The following LY6L variants were observed in gnomAD, a reference collection of about 807,000 sequenced individuals.
LY6L encodes the protein lymphocyte antigen 6L.
LY6L carries 8 observed loss-of-function variants against 8.3 expected under a neutral mutation model. The observed-to-expected ratio is 0.97, with a 90% confidence interval of 0.57 to 1.74. The LOEUF is 1.74. LY6L is among the 40% of genes most tolerant of loss of function. The pLI is 0.00. For synonymous variants in LY6L, 79 were observed against 77.9 expected (o/e 1.01, Z -0.07); for missense variants, 156 against 183.8 (o/e 0.85, Z 0.87).
chr8:143,080,892 C>T (rs1219090487), intron 1 of LY6L, 144 bp from the exon 2 acceptor site: 1 of 612,384 alleles, frequency 1.6e-6, no homozygotes, highest in Non-Finnish European at 2.8e-6. Flanking sequence ...TGGGGGACGT[C>T]CTGGGTGAAG....
At chr8:143,081,381 C>T in intron 3 of LY6L, 54 bp downstream of exon 3, 1 of 1,179,620 alleles carries the variant, frequency 8.5e-7, no homozygotes. Context: ...AGGGCCGGTG[C>T]CCCCGCCTCT....
chr8:143,082,750 G>A lies in LY6L; in HGVS notation c.*99G>A, dbSNP rs1470752820. ...CCGCCCCTTCCAGGACACTGGGGGG[G>A]GACCCTCCCTCTCTGAGGTGGTGGG... is the stretch of plus-strand genomic sequence containing the variant. On this transcript the variant is annotated 3_prime_UTR_variant, in exon 4 of 4. Transcript: ENST00000562505. 5 of 1,000,286 alleles carry A rather than the reference G, an allele frequency of 5.0e-6. No homozygotes were observed. The highest frequency in any genetic ancestry group is 4.9e-5 in the African/African-American group (3 of 61,178). 62.0% of individuals were successfully genotyped at this position (1,000,286 alleles called of 1,614,324 possible). A position where few individuals can be genotyped will look rare whatever the true frequency, so the allele number is the denominator to read the frequency against.
Position 143,083,070 on chromosome 8 carries a change from C to T in LY6L, c.*419C>T. 4.7e-6 allele frequency: 1 copy of T among 211,076 alleles called. No homozygotes were observed. The highest frequency in any genetic ancestry group is 9.5e-6 in the Non-Finnish European group (1 of 105,720). 13.1% of individuals were successfully genotyped at this position (211,076 alleles called of 1,614,324 possible). ...GGTGTGGGTGATGAGAAGGACGGTGCCTCCGGTGTGGGTGATGGGAAGGAC... is the reference window on the plus strand; with the variant it reads ...GGTGTGGGTGATGAGAAGGACGGTGTCTCCGGTGTGGGTGATGGGAAGGAC... On this transcript the variant is annotated 3_prime_UTR_variant, in exon 4 of 4. Transcript: ENST00000562505.
At chr8:143,081,907 T>C (rs1484977437) in intron 3 of LY6L, among the ~76,000 whole-genome samples, 7 of 152,182 alleles carry the variant, frequency 4.6e-5, no homozygotes, top group Non-Finnish European at 1.0e-4. Flanking sequence ...TCTCAACAGT[T>C]TGGGTTTTGA....
Position 143,082,781 on chromosome 8 carries a change from T to C in LY6L, c.*130T>C. The C allele has an allele frequency of 1.3e-6, 1 of 776,872 alleles. No individual in the cohort carries two copies. The highest frequency in any genetic ancestry group is 1.9e-6 in the Non-Finnish European group (1 of 518,062). The allele number at this position is 776,872 out of a possible 1,614,324, so 48.1% of individuals were successfully genotyped here. On this transcript the variant is annotated 3_prime_UTR_variant, in exon 4 of 4. Transcript: ENST00000562505. ...TCCCTCTCTGAGGTGGTGGGGAGGG[T>C]GCCATTGCCTCCATCCCGGATCTAG... is the stretch of plus-strand genomic sequence containing the variant.
intron 3 of LY6L, among the ~76,000 whole-genome samples, chr8:143,082,095 C>G (rs1193468206): frequency 2.0e-5 from 3 of 152,362 alleles, no homozygotes; most frequent in Admixed American, 2.0e-4. Context: ...CATCTCCCGA[C>G]GACGCACATG....
intron 3 of LY6L, among the ~76,000 whole-genome samples, chr8:143,081,893 CT>C (rs1820436742): frequency 6.6e-6 from 1 of 152,220 alleles, no homozygotes; most frequent in African/African-American, 2.4e-5. Context: ...CACCCAAGCT[CT>C]TTTCTCAACA....
Position 143,082,812 on chromosome 8 carries a change from T to C in LY6L, c.*161T>C. On this transcript the variant is annotated 3_prime_UTR_variant, in exon 4 of 4. Coordinates refer to ENST00000562505, the MANE Select transcript of LY6L (RefSeq NM_001368160.2). ...TGCCTCCATCCCGGATCTAGCCACC[T>C]CACTCCTCCCCACCGGGGGCCCCTT... 1 of 608,806 alleles carries C rather than the reference T, an allele frequency of 1.6e-6. No individual in the cohort carries two copies. The highest frequency in any genetic ancestry group is 2.7e-6 in the Non-Finnish European group (1 of 370,320). 37.7% of individuals were successfully genotyped at this position (608,806 alleles called of 1,614,324 possible).
rs913823666 is a variant in LY6L at position 143,082,569 on chromosome 8, T to C, written c.335T>C (p.Leu112Pro). ...TCCTGGGCTCTCTGCAACAGGGCAC[T>C]GACCCCACAGGAGGGGCGCTGGGCC... ...CCSWALCNRA[L>P]TPQEGRWALR... Residue 112 changes from leucine (L) to proline (P), a missense_variant, in exon 4 of 4, where the codon CTG becomes CCG. Leu to Pro is a moderately conservative substitution (Grantham distance 98). Transcript: ENST00000562505. The C allele has an allele frequency of 3.3e-6, 5 of 1,534,820 alleles. No individual in the cohort carries two copies. The highest frequency in any genetic ancestry group is 4.4e-6 in the Non-Finnish European group (5 of 1,146,262).
rs928236009 is a variant in LY6L at position 143,081,071 on chromosome 8, A to C, written c.18A>C (p.Leu6=). ...CTGGCGTCATGGAGAGGCTCGTCCT[A>C]ACCCTGTGCACCCTCCCGCTGGCTG... MERLV[L]TLCTLPLAVA... The change falls in exon 2 of 4, where the codon CTA becomes CTC. Residue 6 remains leucine (L), a synonymous_variant. Coordinates refer to ENST00000562505, the MANE Select transcript of LY6L (RefSeq NM_001368160.2). 1.3e-6 allele frequency: 2 copies of C among 1,534,914 alleles called. No homozygotes were observed. The highest frequency in any genetic ancestry group is 2.0e-5 in the Admixed American group (1 of 50,966).
In LY6L at chr8:143,081,022, C is replaced by T. The variant is rs565135543; in HGVS notation, c.-18-14C>T. The stretch of plus-strand genomic sequence containing the variant: ...GGGTGAAGCCTCCCGCAACACCCAC[C>T]TCACCCCACTCAGGCTGAGCCTTCT... On this transcript the variant is annotated splice_polypyrimidine_tract_variant and intron_variant, in intron 1 of 3. Transcript: ENST00000562505. 6.6e-7 allele frequency: 1 copy of T among 1,518,342 alleles called. No individual in the cohort carries two copies. The highest frequency in any genetic ancestry group is 1.4e-5 in the African/African-American group (1 of 72,668). The allele number at this position is 1,518,342 out of a possible 1,614,324, so 94.1% of individuals were successfully genotyped here. A position where few individuals can be genotyped will look rare whatever the true frequency, so the allele number is the denominator to read the frequency against.
rs565400078 is a variant in LY6L, at chr8:143,081,798, T to C, written c.190+471T>C. Among the ~76,000 whole-genome samples, 7 of 152,322 alleles carry C rather than the reference T, an allele frequency of 4.6e-5. No individual in the cohort carries two copies. In the South Asian group the frequency reaches 1.5e-3, roughly 32 times the overall value. On this transcript the variant is annotated intron_variant, in intron 3 of 3. Transcript: ENST00000562505. ...CTTAATATAATACGATGTAATATAATGCTACATAATACAACATAATATAAT... is the reference window on the plus strand; with the variant it reads ...CTTAATATAATACGATGTAATATAACGCTACATAATACAACATAATATAAT...
At chr8:143,080,796 G>A (rs1310318745) in intron 1 of LY6L, 137 bp downstream of exon 1, 2 of 484,254 alleles carry the variant, frequency 4.1e-6, no homozygotes, top group Non-Finnish European at 7.3e-6. Flanking sequence ...TGCGGGGAAG[G>A]GAGGAGAGCG....
Position 143,082,541 on chromosome 8 carries a change from T to C in LY6L, c.307T>C (p.Cys103Arg). The C allele has an allele frequency of 5.2e-6, 8 of 1,535,446 alleles. No individual in the cohort carries two copies. The highest frequency in any genetic ancestry group is 7.0e-6 in the Non-Finnish European group (8 of 1,146,664). Residue 103 changes from cysteine (C) to arginine (R), a missense_variant, in exon 4 of 4, where the codon TGT (cysteine) becomes CGT (arginine). Transcript: ENST00000562505. ...GCAAGGCGTGATCACCAGGCGCTGC[T>C]GTTCCTGGGCTCTCTGCAACAGGGC... ...MVQGVITRRC[C>R]SWALCNRALT...
At chr8:143,081,000 T>C in intron 1 of LY6L, 36 bp from the exon 2 acceptor site, 1 of 1,459,320 alleles carries the variant, frequency 6.9e-7, no homozygotes, top group Non-Finnish European at 9.2e-7. Flanking sequence ...GCTCTCTGGG[T>C]GAAGCCTCCC....
intron 3 of LY6L, among the ~76,000 whole-genome samples, 161 bp from the exon 4 acceptor site, chr8:143,082,261 CAGG>C (rs542728117): frequency 2.2e-4 from 33 of 152,248 alleles, no homozygotes; most frequent in Non-Finnish European, 4.4e-4. Flanking sequence ...CAGTAAAGGA[CAGG>C]AGAAGGTGGT....
chr8:143,082,391 C>G, intron 3 of LY6L, 34 bp from the exon 4 acceptor site: 4 of 1,466,290 alleles, frequency 2.7e-6, no homozygotes, highest in Non-Finnish European at 3.7e-6. Flanking sequence ...CTTGCTGGGG[C>G]TCTGGGGCCA....
At chr8:143,080,965 C>T in intron 1 of LY6L, 71 bp from the exon 2 acceptor site, 3 of 1,183,618 alleles carry the variant, frequency 2.5e-6, no homozygotes, top group Non-Finnish European at 3.6e-6. Flanking sequence ...AAAGCCCCGT[C>T]CGGGAGCAGG....
rs1820463896 is a variant in LY6L, at chr8:143,083,097, G to C, written c.*446G>C. 5.1e-6 allele frequency: 1 copy of C among 196,660 alleles called. No individual in the cohort carries two copies. The highest frequency in any genetic ancestry group is 2.4e-5 in the African/African-American group (1 of 41,774). The allele number at this position is 196,660 out of a possible 1,614,324, so 12.2% of individuals were successfully genotyped here. A position where few individuals can be genotyped will look rare whatever the true frequency, so the allele number is the denominator to read the frequency against. ...TCCGGTGTGGGTGATGGGAAGGACG[G>C]TACCTCCGGTGTGGGTGACGGGAAG... On this transcript the variant is annotated 3_prime_UTR_variant, in exon 4 of 4. Transcript: ENST00000562505.
Sources: allele counts gnomAD v4.1 joint callset (sites outside exome capture counted in the v4.1 genomes callset), GRCh38; gene constraint gnomAD v4.1.1; transcripts MANE v1.5; gene names NCBI Gene and HGNC (gene_info 2026-07-23, HGNC 2026-07-21).